The following GUCY1A2 variants were observed in gnomAD, a reference collection of about 807,000 sequenced individuals.
The protein encoded by GUCY1A2 is guanylate cyclase soluble subunit alpha-2.
A neutral mutation model predicts 63.5 loss-of-function variants in GUCY1A2; 27 were observed. That is an observed-to-expected ratio of 0.43 (90% CI 0.31 to 0.59). GUCY1A2 has a LOEUF of 0.59. Among genes scored for constraint, GUCY1A2 ranks in the 20% least tolerant of loss-of-function variants. The pLI, the probability that GUCY1A2 is intolerant of heterozygous loss-of-function variation, is 0.11. For missense variants in GUCY1A2, 768 were observed against 913.3 expected, an observed-to-expected ratio of 0.84 and a Z score of 2.05; for synonymous variants, 364 against 343.5, an observed-to-expected ratio of 1.06 and a Z score of -0.66.
chr11:106,847,645 T>C (rs1438069135), intron 4 of GUCY1A2, among the ~76,000 whole-genome samples: 5 of 151,422 alleles, frequency 3.3e-5, no homozygotes, highest in Non-Finnish European at 5.9e-5. Context: ...TAAATTTCAG[T>C]GGCACAAAAA....
In GUCY1A2 at chr11:106,931,285, G is replaced by C. The variant is rs186959273; in HGVS notation, c.1206+8175C>G. On this transcript the variant is annotated intron_variant, in intron 4 of 7. Coordinates refer to ENST00000526355, the MANE Select transcript of GUCY1A2 (RefSeq NM_000855.3). ...GATGTTTACCATCTTTAGTCATCAG[G>C]GAAGTATAACTTAAAACCTAAGACA... 1.8e-3 allele frequency among the ~76,000 whole-genome samples: 275 copies of C among 152,174 alleles called. 1 individual carries two copies. Among genetic ancestry groups the C allele is most frequent in the Non-Finnish European group, 2.9e-3 (194 of 68,014 alleles).
intron 1 of GUCY1A2, among the ~76,000 whole-genome samples, chr11:107,010,918 C>T (rs1591363263): frequency 6.6e-6 from 1 of 151,906 alleles, no homozygotes; most frequent in Non-Finnish European, 1.5e-5. Flanking sequence ...TTGGTAGAGA[C>T]AGGGTTTCAC....
chr11:106,985,610 AG>A (rs1209642224), intron 2 of GUCY1A2, among the ~76,000 whole-genome samples: 1 of 152,244 alleles, frequency 6.6e-6, no homozygotes, highest in Non-Finnish European at 1.5e-5. Context: ...TTCAAGAAAT[AG>A]ATGATAATAA....
intron 4 of GUCY1A2, chr11:106,827,555 C>T (rs1322241674): frequency 4.8e-6 from 7 of 1,453,422 alleles, no homozygotes; most frequent in Non-Finnish European, 5.8e-6. Context: ...TTAGCTCCAG[C>T]ACACAGAGTT....
intron 3 of GUCY1A2, among the ~76,000 whole-genome samples, chr11:106,956,742 T>G (rs1001907173): frequency 6.6e-6 from 1 of 152,134 alleles, no homozygotes; most frequent in African/African-American, 2.4e-5. Flanking sequence ...CAACCCCTGT[T>G]GGAGGGTCTC....
At chr11:106,991,975 A>C (rs1861475630) in intron 1 of GUCY1A2, among the ~76,000 whole-genome samples, 1 of 152,192 alleles carries the variant, frequency 6.6e-6, no homozygotes, top group Non-Finnish European at 1.5e-5. Flanking sequence ...TATTTTTCAC[A>C]GTTTATGAAG....
At chr11:106,770,791 T>A (rs1268743499) in intron 6 of GUCY1A2, among the ~76,000 whole-genome samples, 1 of 150,950 alleles carries the variant, frequency 6.6e-6, no homozygotes, top group East Asian at 2.0e-4. Context: ...TTAATATTCC[T>A]GCTTTTGCAC....
intron 1 of GUCY1A2, among the ~76,000 whole-genome samples, chr11:107,011,610 T>G (rs2120211880): frequency 6.8e-6 from 1 of 146,394 alleles, no homozygotes; most frequent in East Asian, 2.0e-4. Context: ...CTTTAATATA[T>G]ATAAAAAGGA....
chr11:106,862,172 G>A (rs1171757165), intron 4 of GUCY1A2, among the ~76,000 whole-genome samples: 1 of 151,978 alleles, frequency 6.6e-6, no homozygotes, highest in East Asian at 1.9e-4. Context: ...TGTGTTAATA[G>A]TGGAAAGACT....
At chr11:107,005,926 G>A (rs546480652) in intron 1 of GUCY1A2, among the ~76,000 whole-genome samples, 2 of 152,296 alleles carry the variant, frequency 1.3e-5, no homozygotes, top group African/African-American at 4.8e-5. Context: ...CTTTGCCAAA[G>A]ATTGTGGCTA....
chr11:106,782,951 G>A (rs553358484), intron 5 of GUCY1A2, among the ~76,000 whole-genome samples: 1 of 152,254 alleles, frequency 6.6e-6, no homozygotes, highest in East Asian at 1.9e-4. Flanking sequence ...TGGCTGAAGT[G>A]AACTCTTAAC....
intron 4 of GUCY1A2, among the ~76,000 whole-genome samples, chr11:106,907,563 A>C (rs1363150071): frequency 6.7e-6 from 1 of 150,020 alleles, no homozygotes; most frequent in Non-Finnish European, 1.5e-5. Flanking sequence ...GCCTCCCGCC[A>C]CCCCACAACA....
At chr11:106,799,400 A>G (rs971948034) in intron 5 of GUCY1A2, among the ~76,000 whole-genome samples, 6 of 152,192 alleles carry the variant, frequency 3.9e-5, no homozygotes, top group Non-Finnish European at 5.9e-5. Flanking sequence ...AAACTACTTT[A>G]AAGTTCATAT....
At chr11:106,707,504 G>C (rs557080790) in intron 7 of GUCY1A2, among the ~76,000 whole-genome samples, 1 of 152,086 alleles carries the variant, frequency 6.6e-6, no homozygotes, top group South Asian at 2.1e-4. Flanking sequence ...CAGCTGTACA[G>C]TAATGCCCAG....
intron 1 of GUCY1A2, among the ~76,000 whole-genome samples, chr11:107,002,537 T>C (rs1861624444): frequency 6.6e-6 from 1 of 152,076 alleles, no homozygotes; most frequent in Non-Finnish European, 1.5e-5. Context: ...CTCCATATGG[T>C]GTTCAATTTA....
chr11:106,790,351 G>A (rs747190945), intron 5 of GUCY1A2, among the ~76,000 whole-genome samples: 96 of 150,592 alleles, frequency 6.4e-4, no homozygotes, highest in Non-Finnish European at 1.3e-3. Context: ...GTCCACTTGC[G>A]TGAATGCTGC....
At chr11:106,951,662 A>G (rs534853258) in intron 3 of GUCY1A2, among the ~76,000 whole-genome samples, 1 of 152,172 alleles carries the variant, frequency 6.6e-6, no homozygotes, top group East Asian at 1.9e-4. Flanking sequence ...GAAAATTTCA[A>G]AACTTTTCTC....
intron 5 of GUCY1A2, among the ~76,000 whole-genome samples, chr11:106,806,941 G>C (rs1565296159): frequency 6.6e-6 from 1 of 152,118 alleles, no homozygotes; most frequent in Non-Finnish European, 1.5e-5. Flanking sequence ...GGAAAACATG[G>C]AGTAATGACA....
chr11:107,004,627 G>A (rs1861649497), intron 1 of GUCY1A2, among the ~76,000 whole-genome samples: 1 of 151,820 alleles, frequency 6.6e-6, no homozygotes, highest in Non-Finnish European at 1.5e-5. Flanking sequence ...ATTATAAGAG[G>A]GAAGACAGGT....
Sources: allele counts gnomAD v4.1 joint callset (sites outside exome capture counted in the v4.1 genomes callset), GRCh38; gene constraint gnomAD v4.1.1; transcripts MANE v1.5; gene names NCBI Gene and HGNC (gene_info 2026-07-23, HGNC 2026-07-21).